NLRC5: variants seen among roughly 807,000 people sequenced by gnomAD.
NLRC5 encodes the protein NLR family CARD domain containing 5.
Under a neutral mutation model 206.9 loss-of-function variants are expected in NLRC5, and 114 were observed. The observed-to-expected ratio is 0.55, with a 90% confidence interval of 0.47 to 0.64. NLRC5 has a LOEUF of 0.64. Among genes scored for constraint, NLRC5 ranks in the 30% least tolerant of loss-of-function variants. The pLI is 0.00. For missense variants in NLRC5, 2,008 were observed against 2,305.5 expected, an observed-to-expected ratio of 0.87 and a Z score of 2.64; for synonymous variants, 952 against 962.8, an observed-to-expected ratio of 0.99 and a Z score of 0.21.
rs199476003 is a variant in NLRC5 at position 57,061,479 on chromosome 16, G to A, written c.4018G>A (p.Val1340Met). 4.5e-5 allele frequency: 72 copies of A among 1,611,280 alleles called. No individual in the cohort carries two copies. Among genetic ancestry groups the A allele is most frequent in the Non-Finnish European group, 5.8e-5 (68 of 1,180,026 alleles). ...TGAGTGCAGCTTCCGGCCAGAGCAC[G>A]TGTCCAGGCTGGCCACCGGCTTGAG... is the stretch of plus-strand genomic sequence containing the variant. ...LSECSFRPEH[V>M]SRLATGLSKS... The change falls in exon 31 of 49, where the codon GTG (valine) becomes ATG (methionine). Residue 1340 changes from valine to methionine, a missense_variant. Transcript: ENST00000688547.
chr16:57,074,905 C>T (rs78165555), intron 39 of NLRC5, among the ~76,000 whole-genome samples: 4,903 of 151,438 alleles, frequency 0.032, 276 homozygotes, highest in African/African-American at 0.11. Flanking sequence ...CTTAGGCCCA[C>T]GTCGTAGAAC....
intron 43 of NLRC5, among the ~76,000 whole-genome samples, chr16:57,078,466 G>GTTTTTT (rs71383218): frequency 2.6e-4 from 24 of 92,206 alleles, no homozygotes; most frequent in African/African-American, 5.0e-4. Flanking sequence ...CTGGGACCTT[G>GTTTTTT]TTTTTTTTTT....
At position 57,074,694 on chromosome 16, in the gene NLRC5, G is replaced by A. The variant is rs761113486; in HGVS notation, c.4751+11G>A. 27 of 1,612,848 alleles carry A rather than the reference G, an allele frequency of 1.7e-5. No individual in the cohort carries two copies. The highest frequency in any genetic ancestry group is 8.8e-5 in the South Asian group (8 of 91,016). ...CCTGCAGAGCCTCAGGTGAGTGACCGAGCGGCCCCATGGGAATGAGTGGGA... is the reference window on the plus strand; with the variant it reads ...CCTGCAGAGCCTCAGGTGAGTGACCAAGCGGCCCCATGGGAATGAGTGGGA... On this transcript the variant is annotated intron_variant, in intron 39 of 48. Transcript: ENST00000688547.
chr16:57,009,723 A>G (rs2142547173), intron 1 of NLRC5, among the ~76,000 whole-genome samples: 1 of 152,342 alleles, frequency 6.6e-6, no homozygotes, highest in African/African-American at 2.4e-5. Context: ...AAAATAACCA[A>G]CCAACACAAT....
chr16:57,074,920 C>T (rs1348902010), intron 39 of NLRC5, among the ~76,000 whole-genome samples: 1 of 151,294 alleles, frequency 6.6e-6, no homozygotes, highest in Non-Finnish European at 1.5e-5. Flanking sequence ...TAGAACAACC[C>T]TTGAGGCACA....
rs376313106 is a variant in NLRC5 at position 57,036,198 on chromosome 16, C to T, written c.2711+15C>T. ...AGGAAGCTGGAGTGAGTTGTCCACC[C>T]CACCGCTGGGTACCAGGGAAGGCCC... On this transcript the variant is annotated intron_variant, in intron 14 of 48. Coordinates refer to ENST00000688547, the MANE Select transcript of NLRC5 (RefSeq NM_001384950.1). The T allele has an allele frequency of 4.8e-5, 77 of 1,611,098 alleles. No individual in the cohort carries two copies. The African/African-American group carries it at 8.8e-4, about 18-fold the overall frequency.
At chr16:57,037,314 T>TCC (rs56113643) in intron 15 of NLRC5, 30 bp downstream of exon 15, 26 of 1,522,774 alleles carry the variant, frequency 1.7e-5, no homozygotes, top group African/African-American at 4.2e-5. Context: ...ACGGTACCCA[T>TCC]CCCCCCCCCC....
At chr16:57,013,613 A>T (rs2059724604) in intron 1 of NLRC5, 1 of 1,071,934 alleles carries the variant, frequency 9.3e-7, no homozygotes, top group South Asian at 1.3e-5. Context: ...AAGCAAGGTC[A>T]TTAACTGGGC....
Position 57,077,709 on chromosome 16 carries a change from C to G in NLRC5, c.4920-10C>G, listed in dbSNP as rs1487984432. ...CATCAGAGGACCTGATGGCTGCCCC[C>G]CTCCCACAGCCTCTCAGGGAATAGC... On this transcript the variant is annotated splice_polypyrimidine_tract_variant and intron_variant, in intron 41 of 48. Coordinates refer to ENST00000688547, the MANE Select transcript of NLRC5 (RefSeq NM_001384950.1). 7.1e-6 allele frequency: 11 copies of G among 1,558,234 alleles called. No homozygotes were observed. Among genetic ancestry groups the G allele is most frequent in the South Asian group, 1.2e-5 (1 of 83,144 alleles).
At chr16:57,002,778 A>G (rs2058434339) in intron 1 of NLRC5, among the ~76,000 whole-genome samples, 1 of 150,822 alleles carries the variant, frequency 6.6e-6, no homozygotes, top group Non-Finnish European at 1.5e-5. Flanking sequence ...AGTAGCTGGG[A>G]CTACAGGCAT....
At chr16:57,020,009 G>A (rs1247605197) in intron 2 of NLRC5, among the ~76,000 whole-genome samples, 2 of 152,064 alleles carry the variant, frequency 1.3e-5, no homozygotes. Context: ...GAGTAGGGAG[G>A]GGGTGCAGAA....
intron 1 of NLRC5, among the ~76,000 whole-genome samples, chr16:56,994,713 AC>A (rs2057389444): frequency 2.0e-5 from 3 of 152,024 alleles, no homozygotes. Flanking sequence ...GGAAGAGGGA[AC>A]CAGTCAGAGG....
rs560587197 is a variant in NLRC5 at position 57,046,470 on chromosome 16, C to A, written c.3249-82C>A. ...ATCTGAACTTTCCTTTCTAAACGAT[C>A]CCCCTCCTAGGGGTATATGGGCTGG... is the stretch of plus-strand genomic sequence containing the variant. On this transcript the variant is annotated intron_variant, in intron 21 of 48. Coordinates refer to ENST00000688547, the MANE Select transcript of NLRC5 (RefSeq NM_001384950.1). 16 of 1,134,112 alleles carry A rather than the reference C, an allele frequency of 1.4e-5. No homozygotes were observed. The African/African-American group carries it at 1.5e-4, about 11-fold the overall frequency. 70.3% of individuals were successfully genotyped at this position (1,134,112 alleles called of 1,614,324 possible).
rs757648905 is a variant in NLRC5 at position 57,079,032 on chromosome 16, C to A, written c.5082-18C>A. On this transcript the variant is annotated intron_variant, in intron 43 of 48. Transcript: ENST00000688547. The stretch of plus-strand genomic sequence containing the variant: ...CGCCAGTCCCTCAGGCTCCTCTCAC[C>A]CTCTCCTCTTTCCCCAGCCTACCAT... 6 of 1,611,626 alleles carry A rather than the reference C, an allele frequency of 3.7e-6. No homozygotes were observed. Among genetic ancestry groups the A allele is most frequent in the Non-Finnish European group, 5.1e-6 (6 of 1,178,138 alleles).
At chr16:57,044,286 C>G (rs1393961959) in intron 20 of NLRC5, among the ~76,000 whole-genome samples, 1 of 149,098 alleles carries the variant, frequency 6.7e-6, no homozygotes, top group African/African-American at 2.5e-5. Context: ...GCCTGGGCGA[C>G]AGAGTGAGAC....
rs28435319 is a variant in NLRC5 at position 57,020,629 on chromosome 16, C to T, written c.-12-72C>T. ...CCCCAGCTCAACTCCCCCCAAGTTC[C>T]CCTGTCCCTCAGCTCATCTGCCCCC... On this transcript the variant is annotated intron_variant, in intron 2 of 48. Coordinates refer to ENST00000688547, the MANE Select transcript of NLRC5 (RefSeq NM_001384950.1). 6 of 720,990 alleles carry T rather than the reference C, an allele frequency of 8.3e-6. No individual in the cohort carries two copies. In the Admixed American group the frequency reaches 1.8e-4, roughly 21 times the overall value. 44.7% of individuals were successfully genotyped at this position (720,990 alleles called of 1,614,324 possible).
chr16:57,077,223 C>CT (rs1469586615), intron 40 of NLRC5, 73 bp from the exon 41 acceptor site: 1 of 1,405,696 alleles, frequency 7.1e-7, no homozygotes, highest in African/African-American at 1.4e-5. Context: ...TCAGCCTCCC[C>CT]TTCTTTTTCT....
intron 13 of NLRC5, among the ~76,000 whole-genome samples, chr16:57,035,749 G>C (rs118063294): frequency 6.6e-6 from 1 of 152,298 alleles, no homozygotes; most frequent in South Asian, 2.1e-4. Context: ...AAGAGTTGAG[G>C]GTGGGGCCTT....
chr16:57,025,997 C>T lies in NLRC5; in HGVS notation c.1054C>T (p.Pro352Ser), dbSNP rs1318848838. The change falls in exon 6 of 49, where the codon CCT becomes TCT. Residue 352 changes from proline to serine, a missense_variant. Pro to Ser is a moderately conservative substitution (Grantham distance 74, BLOSUM62 -1). Coordinates refer to ENST00000688547, the MANE Select transcript of NLRC5 (RefSeq NM_001384950.1). ...VMATSRPGKLPACLPAEAAMV... is the reference protein window; with the variant it reads ...VMATSRPGKLSACLPAEAAMV... ...GGCTACCTCCCGTCCAGGGAAGCTG[C>T]CTGCCTGCCTGCCTGCAGAGGCAGC... The T allele has an allele frequency of 6.2e-7, 1 of 1,613,036 alleles. No homozygotes were observed. Among genetic ancestry groups the T allele is most frequent in the South Asian group, 1.1e-5 (1 of 91,078 alleles).
Sources: allele counts gnomAD v4.1 joint callset (sites outside exome capture counted in the v4.1 genomes callset), GRCh38; gene constraint gnomAD v4.1.1; transcripts MANE v1.5; gene names NCBI Gene and HGNC (gene_info 2026-07-23, HGNC 2026-07-21).